GYG2: variants seen among roughly 807,000 people sequenced by gnomAD.
GYG2 encodes glycogenin 2, also known as glycogenin-2.
In GYG2, 29 loss-of-function variants were observed where a neutral mutation model predicts 29.4. That is an observed-to-expected ratio of 0.99 (90% CI 0.74 to 1.35). GYG2 has a LOEUF of 1.35. Among genes scored for constraint, GYG2 ranks in the 40% most tolerant of loss-of-function variants. The pLI is 0.00. For missense variants in GYG2, 370 were observed against 385.7 expected, an observed-to-expected ratio of 0.96 and a Z score of 0.34; for synonymous variants, 167 against 172.3, an observed-to-expected ratio of 0.97 and a Z score of 0.24.
chrX:2,831,521 A>C (rs1166737914), intron 2 of GYG2, among the ~76,000 whole-genome samples: 2 of 111,784 alleles, frequency 1.8e-5, no homozygotes, highest in African/African-American at 6.5e-5. Flanking sequence ...TGTTTTCATG[A>C]GGTGTACTGG....
At position 2,860,003 on chromosome X, in the gene GYG2, A is replaced by G; in HGVS notation, c.775A>G (p.Asn259Asp). The G allele has an allele frequency of 1.1e-5, 13 of 1,204,920 alleles. No homozygotes were observed. Among genetic ancestry groups the G allele is most frequent in the Non-Finnish European group, 1.5e-5 (13 of 891,536 alleles). The change falls in exon 7 of 11, where the codon AAC becomes GAC. Residue 259 changes from asparagine to aspartate, a missense_variant. Asn to Asp is a conservative substitution (Grantham distance 23). Transcript: ENST00000398806. ...LHLWWTVYQN[N>D]VLPLYKSVQA... ...TCTCTGGTGGACGGTCTACCAGAACAACGTGCTGCCCCTTTATAAAAGCGT... is the reference window on the plus strand; with the variant it reads ...TCTCTGGTGGACGGTCTACCAGAACGACGTGCTGCCCCTTTATAAAAGCGT...
intron 8 of GYG2, among the ~76,000 whole-genome samples, chrX:2,865,707 G>T (rs1603460043): frequency 9.0e-6 from 1 of 111,543 alleles, no homozygotes; most frequent in African/African-American, 3.3e-5. Context: ...CAGTTAGGTG[G>T]TGTCTATTAT....
chrX:2,850,374 A>G (rs111577444), intron 3 of GYG2, among the ~76,000 whole-genome samples: 6,039 of 111,662 alleles, frequency 0.054, 404 homozygotes, highest in African/African-American at 0.19. Flanking sequence ...TAGAAAATAT[A>G]AGCTTAAATA....
rs370908670 is a variant in GYG2 at position 2,858,476 on chromosome X, AAAAG to A, written c.615-1360_615-1357del. Among the ~76,000 whole-genome samples the A allele has an allele frequency of 7.4e-3, 819 of 111,026 alleles. 15 individuals are homozygous for A. The highest frequency in any genetic ancestry group is 0.025 in the African/African-American group (768 of 30,553). On this transcript the variant is annotated intron_variant, in intron 6 of 10. Coordinates refer to ENST00000398806, the MANE Select transcript of GYG2 (RefSeq NM_001079855.2). Reference sequence around the variant, plus strand: ...GCAAGCCTCAGCTCAGGAGAAAAAAAAAAGAAAGAATCCACACGGACAAAGCTCT... The same window carrying A: ...GCAAGCCTCAGCTCAGGAGAAAAAAAAAAGAATCCACACGGACAAAGCTCT...
At chrX:2,862,457 T>C (rs1300913481) in intron 8 of GYG2, among the ~76,000 whole-genome samples, 1 of 111,071 alleles carries the variant, frequency 9.0e-6, no homozygotes, top group African/African-American at 3.3e-5. Context: ...CAGAGCTCTT[T>C]CAGGTTCAAA....
intron 7 of GYG2, 34 bp from the exon 8 acceptor site, chrX:2,861,488 G>A (rs1603459721): frequency 3.5e-6 from 4 of 1,130,803 alleles, no homozygotes; most frequent in Non-Finnish European, 4.9e-6. Context: ...GGAGACATAG[G>A]GAAGACTCAC....
chrX:2,878,060 C>G, intron 10 of GYG2: 1 of 746,873 alleles, frequency 1.3e-6, no homozygotes, highest in South Asian at 6.8e-5. Context: ...AACTTAATTT[C>G]TAGAGCTGTT....
intron 8 of GYG2, among the ~76,000 whole-genome samples, chrX:2,868,789 TAACA>T (rs2088373265): frequency 9.0e-6 from 1 of 111,156 alleles, no homozygotes; most frequent in Non-Finnish European, 1.9e-5. Context: ...TATACCCGTG[TAACA>T]AACCTGCACA....
intron 9 of GYG2, 119 bp downstream of exon 9, chrX:2,876,033 C>CTTTTTTTTTTTT (rs59937896): frequency 1.4e-5 from 2 of 138,042 alleles, no homozygotes; most frequent in African/African-American, 7.1e-5. Flanking sequence ...AAATTCCTCC[C>CTTTTTTTTTTTT]TTTTTTTTTT....
intron 8 of GYG2, among the ~76,000 whole-genome samples, chrX:2,869,446 AACATCACTGTCACCTGCTGT>A (rs1201958231): frequency 9.0e-6 from 1 of 111,616 alleles, no homozygotes; most frequent in Non-Finnish European, 1.9e-5. Context: ...TGAGTCGTGC[AACATCACTGTCACCTGCTGT>A]CCATTTAGTG....
At chrX:2,862,878 G>A (rs1341537063) in intron 8 of GYG2, among the ~76,000 whole-genome samples, 9 of 107,991 alleles carry the variant, frequency 8.3e-5, no homozygotes, top group Non-Finnish European at 1.7e-4. Flanking sequence ...GCAACACACT[G>A]AGACCTCATC....
rs766676100 is a variant in GYG2 at position 2,830,113 on chromosome X, G to T, written c.-76G>T. ...GACGGCGCCTCTGCTCTGCGGGTTC[G>T]TGGCGAGGAAGTCCACCCACTGCTC... On this transcript the variant is annotated 5_prime_UTR_variant, in exon 2 of 11. Coordinates refer to ENST00000398806, the MANE Select transcript of GYG2 (RefSeq NM_001079855.2). 6.5e-5 allele frequency: 70 copies of T among 1,071,686 alleles called. No individual in the cohort carries two copies. Among genetic ancestry groups the T allele is most frequent in the Non-Finnish European group, 8.8e-5 (68 of 771,618 alleles). The allele number at this position is 1,071,686 out of a possible 1,213,427, so 88.3% of individuals were successfully genotyped here. A position where few individuals can be genotyped will look rare whatever the true frequency, so the allele number is the denominator to read the frequency against.
chrX:2,856,766 A>ATCTATCTG (rs2088005398), intron 6 of GYG2, 142 bp downstream of exon 6: 2 of 381,549 alleles, frequency 5.2e-6, no homozygotes, highest in African/African-American at 6.2e-5. Context: ...CTATCTATCT[A>ATCTATCTG]TCTATCTATC....
chrX:2,846,783 C>T (rs1469002319), intron 3 of GYG2, among the ~76,000 whole-genome samples: 3 of 108,535 alleles, frequency 2.8e-5, no homozygotes, highest in African/African-American at 6.6e-5. Context: ...ATCTTTTATT[C>T]GAGAAAACAT....
At chrX:2,869,364 C>G (rs2088395301) in intron 8 of GYG2, among the ~76,000 whole-genome samples, 1 of 110,636 alleles carries the variant, frequency 9.0e-6, no homozygotes, top group Non-Finnish European at 1.9e-5. Flanking sequence ...CCAGGAGGTC[C>G]TGGAACCAAT....
intron 3 of GYG2, 161 bp from the exon 4 acceptor site, chrX:2,853,819 G>A (rs1372309298): frequency 9.1e-6 from 4 of 441,840 alleles, no homozygotes; most frequent in East Asian, 3.7e-5. Context: ...TAAGCCATCC[G>A]TGGAAATGTG....
In GYG2 at chrX:2,855,168, A is replaced by G. The variant is rs1035431377; in HGVS notation, c.487+13A>G. 3 of 1,198,697 alleles carry G rather than the reference A, an allele frequency of 2.5e-6. No individual in the cohort carries two copies. Among genetic ancestry groups the G allele is most frequent in the African/African-American group, 1.7e-5 (1 of 57,186 alleles). On this transcript the variant is annotated intron_variant, in intron 5 of 10. Coordinates refer to ENST00000398806, the MANE Select transcript of GYG2 (RefSeq NM_001079855.2). ...GGCAGCTTTGACGGTAAGTCAGGGC[A>G]GCCCGGACGCTTAGGGTCTCTGTTG...
At position 2,854,068 on chromosome X, in the gene GYG2, C is replaced by A. The variant is rs776628504; in HGVS notation, c.238C>A (p.Pro80Thr). 1.7e-6 allele frequency: 2 copies of A among 1,202,382 alleles called. No individual in the cohort carries two copies. The highest frequency in any genetic ancestry group is 2.3e-6 in the Non-Finnish European group (2 of 887,046). ...DYIHLAFLKRPELGLTLTKLH... is the reference protein window; with the variant it reads ...DYIHLAFLKRTELGLTLTKLH... ...CATCCACCTGGCCTTTCTGAAGAGA[C>A]CTGAGCTCGGGCTCACCCTCACCAA... Residue 80 changes from proline (P) to threonine (T), a missense_variant, in exon 4 of 11, where the codon CCT becomes ACT. Coordinates refer to ENST00000398806, the MANE Select transcript of GYG2 (RefSeq NM_001079855.2).
intron 3 of GYG2, among the ~76,000 whole-genome samples, chrX:2,848,489 G>T (rs2087795598): frequency 1.0e-5 from 1 of 96,161 alleles, no homozygotes. Context: ...AGTGAGCCCA[G>T]ATCGCGCCAC....
Sources: gnomAD v4.1 joint callset for allele counts (sites outside exome capture counted in the v4.1 genomes callset) on GRCh38, gnomAD v4.1.1 for gene constraint, MANE v1.5 for transcripts, NCBI Gene and HGNC (gene_info 2026-07-23, HGNC 2026-07-21) for gene names.